GLI2: variants seen among roughly 807,000 people sequenced by gnomAD.
The protein encoded by GLI2 is transcription activator GLI2.
In GLI2, 22 loss-of-function variants were observed where a neutral mutation model predicts 78.9. The ratio of observed to expected loss-of-function variants is 0.28; its 90% CI spans 0.20 to 0.40. GLI2 has a LOEUF of 0.40. Among genes scored for constraint, GLI2 ranks in the 10% least tolerant of loss-of-function variants. GLI2 has a pLI of 1.00. For missense variants in GLI2, 2,097 were observed against 2,213.2 expected (o/e 0.95, Z 1.05); for synonymous variants, 974 against 963.7 (o/e 1.01, Z -0.20).
At chr2:120,825,410 G>A (rs928564470) in intron 2 of GLI2, among the ~76,000 whole-genome samples, 2 of 151,060 alleles carry the variant, frequency 1.3e-5, no homozygotes, top group African/African-American at 2.5e-5. Context: ...AGTGTGTGCT[G>A]GACTGTGTGC....
chr2:120,805,409 G>A (rs914641315), intron 2 of GLI2, among the ~76,000 whole-genome samples: 2 of 152,246 alleles, frequency 1.3e-5, no homozygotes, highest in Non-Finnish European at 2.9e-5. Context: ...GGTGGCTCCT[G>A]CCCCTGTGTG....
chr2:120,769,164 C>G lies in GLI2; in HGVS notation c.-30-28127C>G, dbSNP rs1446189478. Among the ~76,000 whole-genome samples, 5 of 152,206 alleles carry G rather than the reference C, an allele frequency of 3.3e-5. No homozygotes were observed. In the South Asian group the frequency reaches 6.2e-4, roughly 19 times the overall value. ...CAGAATCCACTCTCTCTGGAGCCCC[C>G]ACTTGGTGCCCAGCCTGGTGGTCTG... On this transcript the variant is annotated intron_variant, in intron 1 of 13. Coordinates refer to ENST00000361492, the MANE Select transcript of GLI2 (RefSeq NM_001374353.1).
chr2:120,981,744 G>A (rs1208746909), intron 10 of GLI2, among the ~76,000 whole-genome samples: 4 of 152,154 alleles, frequency 2.6e-5, no homozygotes, highest in Non-Finnish European at 5.9e-5. Context: ...TGGAATAGCT[G>A]CAGAGCTTCC....
At chr2:120,775,576 G>A (rs978492275) in intron 1 of GLI2, among the ~76,000 whole-genome samples, 13 of 152,318 alleles carry the variant, frequency 8.5e-5, no homozygotes, top group Admixed American at 4.6e-4. Flanking sequence ...TCAGCAGAGC[G>A]CCGAAGGGTT....
chr2:120,953,922 A>G (rs941263316), intron 4 of GLI2, among the ~76,000 whole-genome samples: 1 of 152,130 alleles, frequency 6.6e-6, no homozygotes, highest in African/African-American at 2.4e-5. Context: ...CCTTCGACGG[A>G]TGGAGTGCCA....
chr2:120,876,249 G>T (rs1688735018), intron 2 of GLI2, among the ~76,000 whole-genome samples: 1 of 152,196 alleles, frequency 6.6e-6, no homozygotes, highest in Non-Finnish European at 1.5e-5. Context: ...GGCTGAGGCG[G>T]GAGAGTGGCG....
At chr2:120,755,019 T>C (rs549418718) in intron 1 of GLI2, among the ~76,000 whole-genome samples, 1 of 152,068 alleles carries the variant, frequency 6.6e-6, no homozygotes, top group Non-Finnish European at 1.5e-5. Context: ...GCCCAGCTAA[T>C]TTTTGTATTT....
At chr2:120,901,508 C>T (rs1678253890) in intron 2 of GLI2, among the ~76,000 whole-genome samples, 2 of 152,222 alleles carry the variant, frequency 1.3e-5, no homozygotes, top group South Asian at 2.1e-4. Flanking sequence ...CTCTGCAGGT[C>T]TTCCTGGCCC....
chr2:120,924,130 G>A (rs1487550240), intron 2 of GLI2, among the ~76,000 whole-genome samples: 2 of 152,230 alleles, frequency 1.3e-5, no homozygotes, highest in African/African-American at 2.4e-5. Context: ...AGGCACACCA[G>A]GGTGCTGGGG....
At chr2:120,871,890 C>T (rs1688480925) in intron 2 of GLI2, among the ~76,000 whole-genome samples, 1 of 152,190 alleles carries the variant, frequency 6.6e-6, no homozygotes, top group South Asian at 2.1e-4. Flanking sequence ...TATTATGTTT[C>T]TCAACTCCCA....
At chr2:120,866,100 GGGT>G (rs1688118915) in intron 2 of GLI2, among the ~76,000 whole-genome samples, 1 of 152,232 alleles carries the variant, frequency 6.6e-6, no homozygotes, top group Non-Finnish European at 1.5e-5. Context: ...GCTTAAGATG[GGGT>G]CCCATAGCCC....
chr2:120,817,778 C>T (rs2104741069), intron 2 of GLI2, among the ~76,000 whole-genome samples: 1 of 152,162 alleles, frequency 6.6e-6, no homozygotes, highest in South Asian at 2.1e-4. Context: ...CCCCACCCAT[C>T]CCACATCACC....
chr2:120,767,677 GC>G (rs1310749556), intron 1 of GLI2, among the ~76,000 whole-genome samples: 1 of 152,218 alleles, frequency 6.6e-6, no homozygotes, highest in Admixed American at 6.5e-5. Flanking sequence ...CCTCTGCCCA[GC>G]CCCCACTGCC....
intron 2 of GLI2, among the ~76,000 whole-genome samples, chr2:120,883,208 C>T (rs934720140): frequency 3.3e-5 from 5 of 152,128 alleles, no homozygotes; most frequent in African/African-American, 7.2e-5. Flanking sequence ...TAACCTTGGC[C>T]GGGCTGGTGG....
chr2:120,921,065 G>A (rs1679352000), intron 2 of GLI2, among the ~76,000 whole-genome samples: 1 of 152,154 alleles, frequency 6.6e-6, no homozygotes, highest in African/African-American at 2.4e-5. Flanking sequence ...TTGGAAAGCA[G>A]AATTTTTCCC....
chr2:120,981,705 A>G (rs1338784273), intron 10 of GLI2, among the ~76,000 whole-genome samples: 1 of 152,178 alleles, frequency 6.6e-6, no homozygotes. Context: ...CGGTTTTCAT[A>G]CATCCATTCA....
chr2:120,846,140 G>T (rs1000382226), intron 2 of GLI2, among the ~76,000 whole-genome samples: 1 of 152,166 alleles, frequency 6.6e-6, no homozygotes, highest in African/African-American at 2.4e-5. Flanking sequence ...TCCCCCGTCA[G>T]TCATTCTGGT....
intron 9 of GLI2, among the ~76,000 whole-genome samples, chr2:120,976,711 G>A (rs1009383747): frequency 1.1e-4 from 16 of 152,296 alleles, no homozygotes; most frequent in African/African-American, 3.8e-4. Context: ...CCCCAAACTG[G>A]GAGGAGGGCT....
intron 2 of GLI2, among the ~76,000 whole-genome samples, chr2:120,887,669 A>G (rs1332227485): frequency 1.3e-5 from 2 of 152,212 alleles, no homozygotes; most frequent in Non-Finnish European, 1.5e-5. Flanking sequence ...CACAGAGGCC[A>G]TTATCCCGGA....
Sources: allele counts gnomAD v4.1 joint callset (sites outside exome capture counted in the v4.1 genomes callset), GRCh38; gene constraint gnomAD v4.1.1; transcripts MANE v1.5; gene names NCBI Gene and HGNC (gene_info 2026-07-23, HGNC 2026-07-21).